LRIT3: variants seen among roughly 807,000 people sequenced by gnomAD.
LRIT3 encodes the protein leucine rich repeat, Ig-like and transmembrane domains 3, also known as leucine-rich repeat, immunoglobulin-like domain and transmembrane domain-containing protein 3.
In LRIT3, 14 loss-of-function variants were observed where a neutral mutation model predicts 22.6. The observed-to-expected ratio is 0.62, with a 90% confidence interval of 0.41 to 0.97. The LOEUF (loss-of-function observed/expected upper bound fraction) is 0.97, where lower values mean the gene tolerates loss of function less well. LRIT3 is among the 50% of genes least tolerant of loss of function. The probability of loss-of-function intolerance (pLI) is 0.00; values close to 1 mark genes in which losing one functional copy is unlikely to be tolerated. For synonymous variants in LRIT3, 306 were observed against 304.5 expected, an observed-to-expected ratio of 1.01 and a Z score of -0.05; for missense variants, 783 against 803.0, an observed-to-expected ratio of 0.98 and a Z score of 0.30.
intron 2 of LRIT3, chr4:109,865,002 A>G (rs1734641806): frequency 7.4e-6 from 9 of 1,220,232 alleles, no homozygotes; most frequent in Non-Finnish European, 6.5e-6. Flanking sequence ...AAATGTTACA[A>G]ATTAGGCATT....
intron 2 of LRIT3, among the ~76,000 whole-genome samples, chr4:109,864,492 A>G (rs1396069808): frequency 6.6e-6 from 1 of 152,186 alleles, no homozygotes; most frequent in Non-Finnish European, 1.5e-5. Flanking sequence ...ACAGCTCACA[A>G]TGCTGACAAT....
chr4:109,851,336 C>T, intron 1 of LRIT3, 168 bp from the exon 2 acceptor site: 3 of 887,452 alleles, frequency 3.4e-6, no homozygotes, highest in Non-Finnish European at 5.0e-6. Flanking sequence ...AAACCTTAGA[C>T]CTTGGTTAGA....
In LRIT3 at chr4:109,869,764, G is replaced by A. The variant is rs369521916; in HGVS notation, c.1015G>A (p.Ala339Thr). ...CAAAAATCTGGCTGGGATGTCAGAA[G>A]CTGTGGTTACTGTGACAGTGCTTGG... Reference protein sequence around the residue: ...KAKNLAGMSEAVVTVTVLGIT... With the variant: ...KAKNLAGMSETVVTVTVLGIT... The change falls in exon 4 of 4, where the codon GCT (alanine) becomes ACT (threonine). Residue 339 changes from alanine to threonine, a missense_variant. Around this residue, in one of 2 missense-constraint regions of LRIT3, gnomAD observed 756 missense variants for 753.8 expected, o/e 1.00. Coordinates refer to ENST00000594814, the MANE Select transcript of LRIT3 (RefSeq NM_198506.5). The A allele has an allele frequency of 5.6e-6, 9 of 1,613,886 alleles. No individual in the cohort carries two copies. Among genetic ancestry groups the A allele is most frequent in the Non-Finnish European group, 7.6e-6 (9 of 1,179,794 alleles).
chr4:109,849,909 G>A (rs984924850), intron 1 of LRIT3, among the ~76,000 whole-genome samples: 7 of 152,154 alleles, frequency 4.6e-5, no homozygotes, highest in African/African-American at 1.2e-4. Flanking sequence ...CACCGCACCC[G>A]GCCAATACTT....
At chr4:109,868,152 T>C (rs1425956922) in intron 3 of LRIT3, among the ~76,000 whole-genome samples, 1 of 152,196 alleles carries the variant, frequency 6.6e-6, no homozygotes, top group Non-Finnish European at 1.5e-5. Context: ...CAATCTAAAC[T>C]CTTTTTCTTA....
Position 109,869,306 on chromosome 4 carries a change from T to C in LRIT3, c.896-339T>C, listed in dbSNP as rs76502494. 3.1e-3 allele frequency among the ~76,000 whole-genome samples: 475 copies of C among 152,342 alleles called. 1 individual carries two copies. The highest frequency in any genetic ancestry group is 0.011 in the African/African-American group (447 of 41,580). On this transcript the variant is annotated intron_variant, in intron 3 of 3. Coordinates refer to ENST00000594814, the MANE Select transcript of LRIT3 (RefSeq NM_198506.5). ...TCGTCTCATCCTCTTATTTTATAAATGCAGAAACAGAAGCCTAAAGATATG... is the reference window on the plus strand; with the variant it reads ...TCGTCTCATCCTCTTATTTTATAAACGCAGAAACAGAAGCCTAAAGATATG...
intron 2 of LRIT3, among the ~76,000 whole-genome samples, chr4:109,866,043 A>G (rs1381910748): frequency 6.6e-6 from 1 of 152,236 alleles, no homozygotes; most frequent in African/African-American, 2.4e-5. Flanking sequence ...CCATGGAAGA[A>G]AAGCATACTT....
At chr4:109,865,216 C>T in intron 2 of LRIT3, 1 of 1,511,440 alleles carries the variant, frequency 6.6e-7, no homozygotes, top group South Asian at 1.2e-5. Context: ...GTTGCATCAC[C>T]CAGGTCACAG....
intron 2 of LRIT3, among the ~76,000 whole-genome samples, chr4:109,861,073 T>G (rs541848905): frequency 1.1e-4 from 16 of 152,196 alleles, no homozygotes; most frequent in Non-Finnish European, 2.2e-4. Context: ...TGCTGGATTA[T>G]AGAATGGCTA....
chr4:109,852,750 C>A (rs1211800927), intron 2 of LRIT3, among the ~76,000 whole-genome samples: 2 of 152,144 alleles, frequency 1.3e-5, no homozygotes, highest in Non-Finnish European at 2.9e-5. Context: ...ACCCCTACCC[C>A]ACAACAGGCC....
At chr4:109,862,494 T>C (rs1734570754) in intron 2 of LRIT3, among the ~76,000 whole-genome samples, 1 of 152,216 alleles carries the variant, frequency 6.6e-6, no homozygotes, top group South Asian at 2.1e-4. Flanking sequence ...CTGGAGTAAA[T>C]AGACATTTTA....
rs1354196375 is a variant in LRIT3, at chr4:109,867,782, A to C, written c.731A>C (p.Gln244Pro). The C allele has an allele frequency of 6.2e-7, 1 of 1,614,176 alleles. No homozygotes were observed. Among genetic ancestry groups the C allele is most frequent in the Non-Finnish European group, 8.5e-7 (1 of 1,180,024 alleles). Reference protein sequence around the residue: ...EPERLTGILFQRAELEHCLKP... With the variant: ...EPERLTGILFPRAELEHCLKP... ...GAGCGCCTCACAGGAATTTTGTTTC[A>C]GCGGGCTGAATTGGAGCATTGTCTG... Residue 244 changes from glutamine to proline, a missense_variant, in exon 3 of 4, where the codon CAG becomes CCG. Physicochemically the swap from Gln to Pro is moderately conservative, Grantham distance 76 (BLOSUM62 -1). Around this residue, in one of 2 missense-constraint regions of LRIT3, gnomAD observed 756 missense variants for 753.8 expected, o/e 1.00. Transcript: ENST00000594814.
Position 109,870,222 on chromosome 4 carries a change from G to A in LRIT3, c.1473G>A (p.Arg491=). The A allele has an allele frequency of 6.2e-7, 1 of 1,614,138 alleles. No individual in the cohort carries two copies. Among genetic ancestry groups the A allele is most frequent in the East Asian group, 2.2e-5 (1 of 44,882 alleles). ...CAAATGCCGCAATAGAAAACCTCAG[G>A]GTGGTCAGTGAGACTAAAGAGAGTG... ...TETNAAIENL[R]VVSETKESVT... Residue 491 remains arginine, a synonymous_variant, in exon 4 of 4, where the codon AGG becomes AGA. Coordinates refer to ENST00000594814, the MANE Select transcript of LRIT3 (RefSeq NM_198506.5).
In LRIT3 at chr4:109,869,764, G is replaced by T. The variant is rs369521916; in HGVS notation, c.1015G>T (p.Ala339Ser). ...KAKNLAGMSE[A>S]VVTVTVLGIT... ...CAAAAATCTGGCTGGGATGTCAGAA[G>T]CTGTGGTTACTGTGACAGTGCTTGG... Residue 339 changes from alanine to serine, a missense_variant, in exon 4 of 4, where the codon GCT becomes TCT. Around this residue, in one of 2 missense-constraint regions of LRIT3, gnomAD observed 756 missense variants for 753.8 expected, o/e 1.00. Coordinates refer to ENST00000594814, the MANE Select transcript of LRIT3 (RefSeq NM_198506.5). 3 of 1,613,768 alleles carry T rather than the reference G, an allele frequency of 1.9e-6. No homozygotes were observed. The highest frequency in any genetic ancestry group is 2.5e-6 in the Non-Finnish European group (3 of 1,179,802).
At position 109,870,570 on chromosome 4, in the gene LRIT3, C is replaced by T; in HGVS notation, c.1821C>T (p.Cys607=). 6.2e-7 allele frequency: 1 copy of T among 1,613,992 alleles called. No individual in the cohort carries two copies. The highest frequency in any genetic ancestry group is 8.5e-7 in the Non-Finnish European group (1 of 1,179,908). The part of the protein sequence containing the change: ...PLICFLLYKV[C]KLQCKSEPFW... The stretch of plus-strand genomic sequence containing the variant: ...TTTGTTTCTTGTTGTACAAAGTTTG[C>T]AAACTGCAATGTAAATCAGAACCTT... Residue 607 remains cysteine (C), a synonymous_variant, in exon 4 of 4, where the codon TGC becomes TGT. Coordinates refer to ENST00000594814, the MANE Select transcript of LRIT3 (RefSeq NM_198506.5).
intron 2 of LRIT3, among the ~76,000 whole-genome samples, chr4:109,859,832 G>A (rs1466298280): frequency 2.0e-5 from 3 of 152,296 alleles, no homozygotes; most frequent in Middle Eastern, 3.4e-3. Context: ...TGGCAGTCCA[G>A]CCTGGCATTG....
chr4:109,854,317 G>T (rs1734348957), intron 2 of LRIT3, among the ~76,000 whole-genome samples: 1 of 151,990 alleles, frequency 6.6e-6, no homozygotes, highest in South Asian at 2.1e-4. Context: ...CTTGTTAATT[G>T]TATTCCTAGG....
Position 109,851,436 on chromosome 4 carries a change from G to A in LRIT3, c.117-68G>A, listed in dbSNP as rs1205661590. 12 of 1,460,474 alleles carry A rather than the reference G, an allele frequency of 8.2e-6. No individual in the cohort carries two copies. In the Admixed American group the frequency reaches 2.2e-4, roughly 27 times the overall value. 90.5% of individuals were successfully genotyped at this position (1,460,474 alleles called of 1,614,324 possible). A position where few individuals can be genotyped will look rare whatever the true frequency, so the allele number is the denominator to read the frequency against. Reference sequence around the variant, plus strand: ...CTGAAAATTGATACATTTTTCAAATGAGAAGTATTTTTTTCAAATGGGTGT... The same window carrying A: ...CTGAAAATTGATACATTTTTCAAATAAGAAGTATTTTTTTCAAATGGGTGT... On this transcript the variant is annotated intron_variant, in intron 1 of 3. Coordinates refer to ENST00000594814, the MANE Select transcript of LRIT3 (RefSeq NM_198506.5).
intron 2 of LRIT3, among the ~76,000 whole-genome samples, chr4:109,864,344 C>T (rs2125900175): frequency 6.6e-6 from 1 of 152,232 alleles, no homozygotes; most frequent in East Asian, 1.9e-4. Flanking sequence ...GGACACTTGC[C>T]AGTTTGCATC....
Sources: allele counts gnomAD v4.1 joint callset (sites outside exome capture counted in the v4.1 genomes callset), GRCh38; gene constraint gnomAD v4.1.1; regional missense constraint gnomAD v4.1.1; transcripts MANE v1.5; gene names NCBI Gene and HGNC (gene_info 2026-07-23, HGNC 2026-07-21).